SLC16A6: variants seen among roughly 807,000 people sequenced by gnomAD.
The protein encoded by SLC16A6 is solute carrier family 16 member 6.
Under a neutral mutation model 33.8 loss-of-function variants are expected in SLC16A6, and 15 were observed. The ratio of observed to expected loss-of-function variants is 0.44; its 90% confidence interval spans 0.30 to 0.68. The LOEUF (loss-of-function observed/expected upper bound fraction) is 0.68, where lower values mean the gene tolerates loss of function less well. Among genes scored for constraint, SLC16A6 ranks in the 30% least tolerant of loss-of-function variants. The pLI, the probability that SLC16A6 is intolerant of heterozygous loss-of-function variation, is 0.10. For missense variants in SLC16A6, 451 were observed against 661.5 expected (o/e 0.68, Z 3.49); for synonymous variants, 219 against 248.4 (o/e 0.88, Z 1.11).
At chr17:68,272,385 A>G (rs1341289890) in intron 4 of SLC16A6, among the ~76,000 whole-genome samples, 1 of 152,232 alleles carries the variant, frequency 6.6e-6, no homozygotes, top group Admixed American at 6.5e-5. Context: ...TCTGGAATGC[A>G]TGTGTCAAGA....
chr17:68,291,456 T>C (rs1287564466), upstream of SLC16A6: 6 of 150,576 alleles, frequency 4.0e-5, no homozygotes, highest in African/African-American at 1.5e-4. Flanking sequence ...CTGCGAGCGC[T>C]GAGCGCAGCC....
chr17:68,284,598 C>G (rs868948676), intron 1 of SLC16A6, among the ~76,000 whole-genome samples: 93 of 152,276 alleles, frequency 6.1e-4, no homozygotes, highest in African/African-American at 2.0e-3. Flanking sequence ...ACAACCTCAT[C>G]TATCCAACAG....
At chr17:68,277,951 TGTTA>T in intron 2 of SLC16A6, 134 bp downstream of exon 2, 1 of 619,296 alleles carries the variant, frequency 1.6e-6, no homozygotes, top group Non-Finnish European at 2.8e-6. Context: ...CTGAAAACCC[TGTTA>T]GTCAGGGCTA....
chr17:68,270,325 G>A (rs2075294332), intron 5 of SLC16A6, among the ~76,000 whole-genome samples: 1 of 152,130 alleles, frequency 6.6e-6, no homozygotes, highest in Non-Finnish European at 1.5e-5. Flanking sequence ...GGAGGCCAAG[G>A]CAGGCGGATC....
rs1449072857 is a variant in SLC16A6 at position 68,267,070 on chromosome 17, T to C, written c.*2026A>G. On this transcript the variant is annotated 3_prime_UTR_variant, in exon 6 of 6. Transcript: ENST00000580666. ...CATAAATTTATTGCAAATCTAGAAG[T>C]ACCAGAATGTCACTAATACAGAACA... The C allele has an allele frequency of 6.6e-6, 1 of 152,204 alleles. No individual in the cohort carries two copies. Among genetic ancestry groups the C allele is most frequent in the Non-Finnish European group, 1.5e-5 (1 of 68,028 alleles). The allele number at this position is 152,204 out of a possible 1,614,324, so 9.4% of individuals were successfully genotyped here. A position where few individuals can be genotyped will look rare whatever the true frequency, so the allele number is the denominator to read the frequency against.
chr17:68,291,430 C>T (rs2075984177), upstream of SLC16A6: 1 of 150,858 alleles, frequency 6.6e-6, no homozygotes, highest in Non-Finnish European at 1.5e-5. Flanking sequence ...GGGGGCGCGC[C>T]GCCGCCGACC....
chr17:68,270,995 T>C lies in SLC16A6; in HGVS notation c.1165A>G (p.Ser389Gly). ...ATEFWGLMSC[S>G]IFFGFMVGTI... ...CCAACCATAAACCCAAAAAATATGC[T>C]GCATGACATTAGACCCCAGAATTCA... Residue 389 changes from serine to glycine, a missense_variant, in exon 5 of 6, where the codon AGC becomes GGC. Physicochemically the swap from Ser to Gly is moderately conservative, Grantham distance 56. Coordinates refer to ENST00000580666, the MANE Select transcript of SLC16A6 (RefSeq NM_004694.5). 1 of 1,614,154 alleles carries C rather than the reference T, an allele frequency of 6.2e-7. No individual in the cohort carries two copies. Among genetic ancestry groups the C allele is most frequent in the South Asian group, 1.1e-5 (1 of 91,082 alleles).
Position 68,267,725 on chromosome 17 carries a change from T to C in SLC16A6, c.*1371A>G, listed in dbSNP as rs1274132985. The C allele has an allele frequency of 1.3e-5, 2 of 149,680 alleles. No homozygotes were observed. The highest frequency in any genetic ancestry group is 2.1e-4 in the South Asian group (1 of 4,696). The allele number at this position is 149,680 out of a possible 1,614,324, so 9.3% of individuals were successfully genotyped here. A position where few individuals can be genotyped will look rare whatever the true frequency, so the allele number is the denominator to read the frequency against. On this transcript the variant is annotated 3_prime_UTR_variant, in exon 6 of 6. Coordinates refer to ENST00000580666, the MANE Select transcript of SLC16A6 (RefSeq NM_004694.5). ...TACAGAAAACTGCTAACGTGAGCAA[T>C]ACTATACATGTAGTGTGACTCCAAA... is the stretch of plus-strand genomic sequence containing the variant.
rs553150874 is a variant in SLC16A6, at chr17:68,272,907, G to C, written c.377-140C>G. ...GCCAAGTAATTCATTCTGGACAAAG[G>C]TGATGTTGCAAAGAAAAATGGGTTT... On this transcript the variant is annotated intron_variant, in intron 3 of 5. Transcript: ENST00000580666. 1.5e-5 allele frequency: 15 copies of C among 1,000,348 alleles called. 1 individual carries two copies. Among genetic ancestry groups the C allele is most frequent in the Admixed American group, 8.5e-5 (3 of 35,412 alleles). 62.0% of individuals were successfully genotyped at this position (1,000,348 alleles called of 1,614,324 possible). A position where few individuals can be genotyped will look rare whatever the true frequency, so the allele number is the denominator to read the frequency against.
rs143714820 is a variant in SLC16A6, at chr17:68,274,012, C to T, written c.291G>A (p.Gly97=). 2.5e-6 allele frequency: 4 copies of T among 1,614,144 alleles called. No individual in the cohort carries two copies. In the African/African-American group the frequency reaches 4.0e-5, roughly 16 times the overall value. ...RFGHRLVVML[G]GLLVSTGMVA... Reference sequence around the variant, plus strand: ...CCATCCCGGTGCTGACAAGTAGCCCCCCCAACATCACTACCAGACGGTGTC... The same window carrying T: ...CCATCCCGGTGCTGACAAGTAGCCCTCCCAACATCACTACCAGACGGTGTC... The change falls in exon 3 of 6, where the codon GGG becomes GGA. Residue 97 remains glycine (G), a synonymous_variant. Coordinates refer to ENST00000580666, the MANE Select transcript of SLC16A6 (RefSeq NM_004694.5).
Position 68,278,183 on chromosome 17 carries a change from A to G in SLC16A6, c.138T>C (p.Gly46=), listed in dbSNP as rs782516882. 4 of 1,614,186 alleles carry G rather than the reference A, an allele frequency of 2.5e-6. No homozygotes were observed. Among genetic ancestry groups the G allele is most frequent in the Non-Finnish European group, 3.4e-6 (4 of 1,179,996 alleles). Residue 46 remains glycine, a synonymous_variant, in exon 2 of 6, where the codon GGT becomes GGC. Transcript: ENST00000580666. ...TGTCCATTAAGTCATTAAAGAAGACACCAAATGTCTTGATGATGCCGTAGG... is the reference window on the plus strand; with the variant it reads ...TGTCCATTAAGTCATTAAAGAAGACGCCAAATGTCTTGATGATGCCGTAGG... ...VFTYGIIKTF[G]VFFNDLMDSF...
At chr17:68,269,744 G>A (rs1360678010) in intron 5 of SLC16A6, among the ~76,000 whole-genome samples, 1 of 141,722 alleles carries the variant, frequency 7.1e-6, no homozygotes, top group Non-Finnish European at 1.5e-5. Context: ...TGCAATCTCA[G>A]GTCACTGCAA....
intron 1 of SLC16A6, among the ~76,000 whole-genome samples, chr17:68,287,814 A>G (rs1359800348): frequency 1.3e-5 from 2 of 152,204 alleles, no homozygotes; most frequent in Non-Finnish European, 2.9e-5. Context: ...TAATGCCTGT[A>G]TTTAAGTAAA....
rs1209954795 is a variant in SLC16A6, at chr17:68,268,622, G to C, written c.*474C>G. On this transcript the variant is annotated 3_prime_UTR_variant, in exon 6 of 6. Transcript: ENST00000580666. Reference sequence around the variant, plus strand: ...AAATGATTGAAGTCTTTTTTTTTTTGACTGGCCAATTTCATTTCAATGACC... The same window carrying C: ...AAATGATTGAAGTCTTTTTTTTTTTCACTGGCCAATTTCATTTCAATGACC... 1 of 144,578 alleles carries C rather than the reference G, an allele frequency of 6.9e-6. No homozygotes were observed. Among genetic ancestry groups the C allele is most frequent in the African/African-American group, 2.5e-5 (1 of 39,254 alleles). The allele number at this position is 144,578 out of a possible 1,614,324, so 9.0% of individuals were successfully genotyped here. A position where few individuals can be genotyped will look rare whatever the true frequency, so the allele number is the denominator to read the frequency against.
At position 68,271,371 on chromosome 17, in the gene SLC16A6, G is replaced by A. The variant is rs142658044; in HGVS notation, c.789C>T (p.Ala263=). The A allele has an allele frequency of 1.3e-5, 21 of 1,614,058 alleles. No homozygotes were observed. The highest frequency in any genetic ancestry group is 2.7e-5 in the African/African-American group (2 of 75,036). The change falls in exon 5 of 6, where the codon GCC becomes GCT. Residue 263 remains alanine, a synonymous_variant. Transcript: ENST00000580666. The surrounding 1 kb of genome is among the most constrained non-coding windows in gnomAD (Gnocchi z 5.3). ...TCTTCACCAGGACCTGCTGCATGTC[G>A]GCCTTCGGCTCCAGTTCCAGGTTAG... The part of the protein sequence containing the change: ...THTNLELEPK[A]DMQQVLVKTS...
At chr17:68,285,196 T>G (rs2075813401) in intron 1 of SLC16A6, among the ~76,000 whole-genome samples, 1 of 152,234 alleles carries the variant, frequency 6.6e-6, no homozygotes, top group Non-Finnish European at 1.5e-5. Flanking sequence ...CAGTAGCTAC[T>G]AAGACCAAGG....
At position 68,278,192 on chromosome 17, in the gene SLC16A6, C is replaced by T. The variant is rs782301771; in HGVS notation, c.129G>A (p.Lys43=). Residue 43 remains lysine (K), a synonymous_variant, in exon 2 of 6, where the codon AAG becomes AAA. Transcript: ENST00000580666. ...FVEVFTYGII[K]TFGVFFNDLM... Reference sequence around the variant, plus strand: ...AGTCATTAAAGAAGACACCAAATGTCTTGATGATGCCGTAGGTGAAGACTT... The same window carrying T: ...AGTCATTAAAGAAGACACCAAATGTTTTGATGATGCCGTAGGTGAAGACTT... The T allele has an allele frequency of 1.9e-6, 3 of 1,614,150 alleles. No homozygotes were observed. The South Asian group carries it at 3.3e-5, about 18-fold the overall frequency.
chr17:68,269,037 G>T lies in SLC16A6; in HGVS notation c.*59C>A. ...AGCTCCTCTGCCTCCTTGTGTCCCCGTTGGGCCCACCCCATCCCTCTCCAG... is the reference window on the plus strand; with the variant it reads ...AGCTCCTCTGCCTCCTTGTGTCCCCTTTGGGCCCACCCCATCCCTCTCCAG... On this transcript the variant is annotated 3_prime_UTR_variant, in exon 6 of 6. Coordinates refer to ENST00000580666, the MANE Select transcript of SLC16A6 (RefSeq NM_004694.5). The T allele has an allele frequency of 6.3e-7, 1 of 1,592,754 alleles. No homozygotes were observed. The highest frequency in any genetic ancestry group is 1.1e-5 in the South Asian group (1 of 87,634).
At chr17:68,272,242 ATT>A (rs1375238250) in intron 4 of SLC16A6, among the ~76,000 whole-genome samples, 1 of 122,710 alleles carries the variant, frequency 8.1e-6, no homozygotes, top group Non-Finnish European at 1.8e-5. Context: ...TCAGTTACAG[ATT>A]TTGTTTTGAG....
Sources: gnomAD v4.1 joint callset for allele counts (sites outside exome capture counted in the v4.1 genomes callset) on GRCh38, gnomAD v4.1.1 for gene constraint, Gnocchi (gnomAD v3.1) non-coding constraint, MANE v1.5 for transcripts, NCBI Gene and HGNC (gene_info 2026-07-23, HGNC 2026-07-21) for gene names.